Variants in ABCA4 observed in about 807,000 individuals in gnomAD.
The protein encoded by ABCA4 is ATP binding cassette subfamily A member 4.
ABCA4 carries 196 observed loss-of-function variants against 263.7 expected under a neutral mutation model. The observed-to-expected ratio is 0.74, with a 90% CI of 0.66 to 0.84. ABCA4 has a LOEUF of 0.84. ABCA4 is among the 40% of genes least tolerant of loss of function. The pLI is 0.00. For missense variants in ABCA4, 2,792 were observed against 2,855.1 expected, an observed-to-expected ratio of 0.98 and a Z score of 0.50; for synonymous variants, 1,133 against 1,094.2, an observed-to-expected ratio of 1.04 and a Z score of -0.70.
intron 13 of ABCA4, among the ~76,000 whole-genome samples, chr1:94,061,058 C>T (rs1661112023): frequency 6.6e-6 from 1 of 152,172 alleles, no homozygotes; most frequent in African/African-American, 2.4e-5. Context: ...CCCTGTAAGG[C>T]CTTGCAAGGA....
intron 48 of ABCA4, among the ~76,000 whole-genome samples, chr1:93,996,878 A>G (rs1222147487): frequency 6.6e-6 from 1 of 152,214 alleles, no homozygotes; most frequent in East Asian, 1.9e-4. Context: ...TCCTCGCATA[A>G]TAAGCCAGAC....
At chr1:94,083,545 CCTT>C (rs1014412818) in intron 6 of ABCA4, 104 bp from the exon 7 acceptor site, 25 of 800,352 alleles carry the variant, frequency 3.1e-5, no homozygotes, top group Non-Finnish European at 4.9e-5. Context: ...CTCCCCCCCT[CCTT>C]CTTTCTGATC....
chr1:94,104,244 G>A (rs917303690), intron 4 of ABCA4, among the ~76,000 whole-genome samples: 2 of 152,154 alleles, frequency 1.3e-5, no homozygotes, highest in African/African-American at 2.4e-5. Flanking sequence ...GGATGTCTAC[G>A]AAGGGACTTC....
rs1403186782 is a variant in ABCA4 at position 94,008,307 on chromosome 1, A to G, written c.5836-10T>C. On this transcript the variant is annotated splice_polypyrimidine_tract_variant and intron_variant, in intron 41 of 49. Coordinates refer to ENST00000370225, the MANE Select transcript of ABCA4 (RefSeq NM_000350.3). ...AGGTGCCTGGATAAATCTGCAAGAT[A>G]CGAAGAAACCGGACTGAGAACTGAG... The G allele has an allele frequency of 6.2e-7, 1 of 1,613,772 alleles. No homozygotes were observed. Among genetic ancestry groups the G allele is most frequent in the East Asian group, 2.2e-5 (1 of 44,882 alleles).
At chr1:94,025,124 T>A (rs1660004239) in intron 30 of ABCA4, 76 bp from the exon 31 acceptor site, 2 of 1,215,504 alleles carry the variant, frequency 1.6e-6, no homozygotes, top group Non-Finnish European at 2.4e-6. Flanking sequence ...CTGCTTGTTG[T>A]CTTCCAAAAA....
At chr1:94,015,996 G>C in intron 36 of ABCA4, 142 bp from the exon 37 acceptor site, 1 of 766,088 alleles carries the variant, frequency 1.3e-6, no homozygotes, top group Non-Finnish European at 2.3e-6. Context: ...GTTCTTGGTT[G>C]GCAAACATAT....
At chr1:94,064,768 G>A (rs998495778) in intron 11 of ABCA4, among the ~76,000 whole-genome samples, 7 of 152,106 alleles carry the variant, frequency 4.6e-5, no homozygotes, top group African/African-American at 7.2e-5. Flanking sequence ...TTTGCCCTGC[G>A]GGACTCAGTA....
At chr1:94,048,484 A>T (rs550466516) in intron 18 of ABCA4, among the ~76,000 whole-genome samples, 1 of 152,288 alleles carries the variant, frequency 6.6e-6, no homozygotes, top group African/African-American at 2.4e-5. Flanking sequence ...TTCCCCCTGG[A>T]CACAGAAGCA....
rs373112162 is a variant in ABCA4, at chr1:94,015,727, C to G, written c.5312+12G>C. 6.2e-6 allele frequency: 10 copies of G among 1,609,926 alleles called. No individual in the cohort carries two copies. The highest frequency in any genetic ancestry group is 8.5e-6 in the Non-Finnish European group (10 of 1,176,818). On this transcript the variant is annotated intron_variant, in intron 37 of 49. Transcript: ENST00000370225. ...TCTTCAGAGGCATTAGCTAATGGCC[C>G]AAACGGCTTACCCATACAGCAGGAG...
chr1:94,086,011 C>T (rs1018991525), intron 6 of ABCA4, among the ~76,000 whole-genome samples: 2 of 152,188 alleles, frequency 1.3e-5, no homozygotes, highest in Non-Finnish European at 2.9e-5. Flanking sequence ...GTGCTCTTCA[C>T]CATTGGTAAT....
chr1:94,066,583 G>C (rs1029278039), intron 11 of ABCA4, among the ~76,000 whole-genome samples: 4 of 152,268 alleles, frequency 2.6e-5, no homozygotes, highest in African/African-American at 4.8e-5. Context: ...CTTGTGGTCT[G>C]ATGTTCTTAC....
rs72960430 is a variant in ABCA4 at position 94,075,181 on chromosome 1, G to A, written c.1554+2509C>T. On this transcript the variant is annotated intron_variant, in intron 11 of 49. Coordinates refer to ENST00000370225, the MANE Select transcript of ABCA4 (RefSeq NM_000350.3). The stretch of plus-strand genomic sequence containing the variant: ...TGTTGGGGTGGGGTAGGGGCGAGGC[G>A]AGGGAGAGCATTAGGACAAATAGCT... Among the ~76,000 whole-genome samples, 297 of 152,216 alleles carry A rather than the reference G, an allele frequency of 2.0e-3. 1 individual carries two copies. Among genetic ancestry groups the A allele is most frequent in the African/African-American group, 6.8e-3 (282 of 41,520 alleles).
chr1:94,064,980 C>G (rs548231337), intron 11 of ABCA4, among the ~76,000 whole-genome samples: 128 of 152,188 alleles, frequency 8.4e-4, no homozygotes, highest in African/African-American at 3.0e-3. Flanking sequence ...GTACTGCAGG[C>G]TTTAAGGAAC....
intron 37 of ABCA4, among the ~76,000 whole-genome samples, chr1:94,014,983 A>G (rs1314858932): frequency 1.3e-5 from 2 of 152,192 alleles, no homozygotes; most frequent in Non-Finnish European, 2.9e-5. Context: ...AGGGTTCTCC[A>G]GCCTGCAACA....
At chr1:94,006,088 A>C (rs1659371657) in intron 43 of ABCA4, among the ~76,000 whole-genome samples, 1 of 152,202 alleles carries the variant, frequency 6.6e-6, no homozygotes, top group South Asian at 2.1e-4. Context: ...GGGTTCCACC[A>C]ACTCCCTTTG....
At position 94,013,833 on chromosome 1, in the gene ABCA4, T is replaced by C. The variant is rs982257468; in HGVS notation, c.5460+710A>G. On this transcript the variant is annotated intron_variant, in intron 38 of 49. Transcript: ENST00000370225. ...ATATGTCAGAGTGTTACAATTTCCA[T>C]AAGAAAGCGGGAGAAAGACCGTATA... is the stretch of plus-strand genomic sequence containing the variant. 1.5e-4 allele frequency among the ~76,000 whole-genome samples: 23 copies of C among 152,224 alleles called. 2 individuals are homozygous for C. Among genetic ancestry groups the C allele is most frequent in the Admixed American group, 6.5e-4 (10 of 15,288 alleles).
intron 35 of ABCA4, among the ~76,000 whole-genome samples, chr1:94,020,614 T>C (rs892927689): frequency 1.3e-5 from 2 of 152,188 alleles, no homozygotes; most frequent in Admixed American, 6.5e-5. Context: ...TTTTAGTGGA[T>C]GACCCTGGGC....
chr1:94,069,762 C>T (rs536152363), intron 11 of ABCA4, among the ~76,000 whole-genome samples: 2 of 152,056 alleles, frequency 1.3e-5, no homozygotes, highest in Admixed American at 6.5e-5. Flanking sequence ...AGTTAGAGGC[C>T]GAAGGCACTG....
At chr1:94,055,565 C>A (rs914594707) in intron 15 of ABCA4, among the ~76,000 whole-genome samples, 5 of 152,116 alleles carry the variant, frequency 3.3e-5, no homozygotes, top group African/African-American at 1.2e-4. Flanking sequence ...TCAGCCCAGC[C>A]CTAATCCACA....
Sources: allele counts gnomAD v4.1 joint callset (sites outside exome capture counted in the v4.1 genomes callset), GRCh38; gene constraint gnomAD v4.1.1; transcripts MANE v1.5; gene names NCBI Gene and HGNC (gene_info 2026-07-23, HGNC 2026-07-21).